GRIK3: variants seen among roughly 807,000 people sequenced by gnomAD.
GRIK3 encodes the protein glutamate ionotropic receptor kainate type subunit 3, also known as glutamate receptor ionotropic, kainate 3.
In GRIK3, 29 loss-of-function variants were observed where a neutral mutation model predicts 102.5. The observed-to-expected ratio is 0.28, with a 90% CI of 0.21 to 0.39. The LOEUF is 0.39. Among genes scored for constraint, GRIK3 ranks in the 10% least tolerant of loss-of-function variants. GRIK3 has a pLI of 1.00. For synonymous variants in GRIK3, 511 were observed against 504.9 expected, an observed-to-expected ratio of 1.01 and a Z score of -0.16; for missense variants, 908 against 1,252.4, an observed-to-expected ratio of 0.73 and a Z score of 4.15.
At chr1:36,887,792 T>TGAGA (rs1557714604) in intron 2 of GRIK3, among the ~76,000 whole-genome samples, 1 of 33,058 alleles carries the variant, frequency 3.0e-5, no homozygotes, top group Admixed American at 4.5e-4. Context: ...ATATATATAG[T>TGAGA]GAGAGAGAGA....
chr1:37,004,521 C>T (rs1000594215), intron 1 of GRIK3, among the ~76,000 whole-genome samples: 5 of 152,170 alleles, frequency 3.3e-5, no homozygotes, highest in South Asian at 2.1e-4. Flanking sequence ...CTTGCCCAAA[C>T]GGAATCACCA....
Position 36,872,171 on chromosome 1 carries a change from G to A in GRIK3, c.732+17C>T, listed in dbSNP as rs1190806548. The A allele has an allele frequency of 6.4e-7, 1 of 1,563,158 alleles. No homozygotes were observed. The highest frequency in any genetic ancestry group is 8.7e-7 in the Non-Finnish European group (1 of 1,150,370). On this transcript the variant is annotated intron_variant, in intron 4 of 15. Coordinates refer to ENST00000373091, the MANE Select transcript of GRIK3 (RefSeq NM_000831.4). This position sits in a 1 kb window ranked among gnomAD's most constrained non-coding sequence, Gnocchi z 5.9. ...GCAGACCCCAGTCATCTGTCCCGGT[G>A]GCCAGCACTCACGCACCTGCTTGAG...
intron 1 of GRIK3, among the ~76,000 whole-genome samples, chr1:36,912,726 A>G (rs1161813942): frequency 6.6e-6 from 1 of 152,170 alleles, no homozygotes; most frequent in African/African-American, 2.4e-5. Context: ...GGCTGAGGTC[A>G]TCTAGAGGGT....
chr1:36,935,371 A>G (rs1641645608), intron 1 of GRIK3, among the ~76,000 whole-genome samples: 1 of 152,204 alleles, frequency 6.6e-6, no homozygotes, highest in East Asian at 1.9e-4. Context: ...GACTGTGAAC[A>G]CATTGCCTGA....
At chr1:36,928,817 C>T (rs1279905100) in intron 1 of GRIK3, among the ~76,000 whole-genome samples, 1 of 152,190 alleles carries the variant, frequency 6.6e-6, no homozygotes, top group Non-Finnish European at 1.5e-5. Context: ...GGAAAATGCT[C>T]AGATGGAGGT....
At chr1:36,903,325 T>A (rs558558) in intron 1 of GRIK3, among the ~76,000 whole-genome samples, 1 of 152,324 alleles carries the variant, frequency 6.6e-6, no homozygotes, top group South Asian at 2.1e-4. Flanking sequence ...AACACCAAAG[T>A]CTGGCAAGGA....
chr1:36,911,144 G>A (rs3767065), intron 1 of GRIK3, among the ~76,000 whole-genome samples: 117,376 of 151,814 alleles, frequency 0.77, 47,887 homozygotes, highest in Non-Finnish European at 0.89. Context: ...GGGGGTGGCC[G>A]GAGGGGAGCT....
chr1:36,901,090 G>A (rs1641228513), intron 1 of GRIK3, among the ~76,000 whole-genome samples: 1 of 152,124 alleles, frequency 6.6e-6, no homozygotes, highest in African/African-American at 2.4e-5. Context: ...GGGTTCACTG[G>A]TAAATTCTAC....
chr1:36,971,679 C>G (rs1189565763), intron 1 of GRIK3, among the ~76,000 whole-genome samples: 1 of 152,158 alleles, frequency 6.6e-6, no homozygotes, highest in Admixed American at 6.5e-5. Flanking sequence ...GCCCCAATCC[C>G]AGGGAGGCTT....
At chr1:36,959,618 G>A (rs497687) in intron 1 of GRIK3, among the ~76,000 whole-genome samples, 72,862 of 125,120 alleles carry the variant, frequency 0.58, 25,208 homozygotes, top group East Asian at 0.77. Context: ...TGTGTGCCCC[G>A]TAACTCTGTG....
At chr1:36,927,720 C>T (rs757793311) in intron 1 of GRIK3, among the ~76,000 whole-genome samples, 10 of 152,134 alleles carry the variant, frequency 6.6e-5, no homozygotes, top group Non-Finnish European at 1.0e-4. Flanking sequence ...TCCATCTCCG[C>T]GCTGCAGAAA....
intron 1 of GRIK3, among the ~76,000 whole-genome samples, chr1:36,965,383 T>A (rs897144692): frequency 6.6e-6 from 1 of 152,108 alleles, no homozygotes; most frequent in Non-Finnish European, 1.5e-5. Context: ...GCAAATAACA[T>A]CTTAACACAG....
intron 1 of GRIK3, among the ~76,000 whole-genome samples, chr1:37,027,175 G>T (rs1405535251): frequency 6.6e-6 from 1 of 152,074 alleles, no homozygotes; most frequent in Admixed American, 6.5e-5. Context: ...CTGTGACTAG[G>T]GAGAGGCAGT....
intron 8 of GRIK3, among the ~76,000 whole-genome samples, chr1:36,853,143 C>T (rs370368195): frequency 6.6e-6 from 1 of 152,252 alleles, no homozygotes; most frequent in Non-Finnish European, 1.5e-5. Context: ...CAAGCAACTG[C>T]TCTATCTTTG....
rs749853809 is a variant in GRIK3 at position 36,805,936 on chromosome 1, CAAAAAAAAAAA to C, written c.2314+157_2314+167del. 1.9e-3 allele frequency among the ~76,000 whole-genome samples: 61 copies of C among 31,596 alleles called. No individual in the cohort carries two copies. The South Asian group carries it at 0.063, about 33-fold the overall frequency. 20.7% of individuals were successfully genotyped at this position (31,596 alleles called of 152,430 possible). On this transcript the variant is annotated intron_variant, in intron 14 of 15. Coordinates refer to ENST00000373091, the MANE Select transcript of GRIK3 (RefSeq NM_000831.4). ...GGGCAACAAAAGCGAAACTCCACCT[CAAAAAAAAAAA>C]AAAAAAAAAAAAAAGAAAAGAACAG...
At chr1:36,815,759 T>G (rs1344150740) in intron 13 of GRIK3, among the ~76,000 whole-genome samples, 2 of 150,516 alleles carry the variant, frequency 1.3e-5, no homozygotes, top group Non-Finnish European at 3.0e-5. Flanking sequence ...TGTTTCTTTC[T>G]TTCTTTTTTT....
At chr1:36,910,618 C>T (rs1440806853) in intron 1 of GRIK3, among the ~76,000 whole-genome samples, 1 of 152,198 alleles carries the variant, frequency 6.6e-6, no homozygotes, top group Non-Finnish European at 1.5e-5. Context: ...CTGGACACAG[C>T]ATGTGGTTTA....
At position 36,969,712 on chromosome 1, in the gene GRIK3, T is replaced by C. The variant is rs574943486; in HGVS notation, c.115+64282A>G. ...GGCATAAGCAACAGGATAAGTGAAA[T>C]TCACCAAGGGAAGACACGGAACTCA... is the stretch of plus-strand genomic sequence containing the variant. On this transcript the variant is annotated intron_variant, in intron 1 of 15. Coordinates refer to ENST00000373091, the MANE Select transcript of GRIK3 (RefSeq NM_000831.4). 2.0e-5 allele frequency among the ~76,000 whole-genome samples: 3 copies of C among 152,322 alleles called. No homozygotes were observed. In the East Asian group the frequency reaches 5.8e-4, roughly 29 times the overall value.
chr1:36,835,653 T>G (rs902278958), intron 10 of GRIK3, among the ~76,000 whole-genome samples: 1 of 152,206 alleles, frequency 6.6e-6, no homozygotes, highest in Non-Finnish European at 1.5e-5. Context: ...CATTGCTCAA[T>G]AAACTTTCGT....
Sources: gnomAD v4.1 joint callset for allele counts (sites outside exome capture counted in the v4.1 genomes callset) on GRCh38, gnomAD v4.1.1 for gene constraint, Gnocchi (gnomAD v3.1) non-coding constraint, MANE v1.5 for transcripts, NCBI Gene and HGNC (gene_info 2026-07-23, HGNC 2026-07-21) for gene names.